The following KDM4C variants were observed in gnomAD, a reference collection of about 807,000 sequenced individuals.
The protein encoded by KDM4C is lysine demethylase 4C, also known as lysine-specific demethylase 4C.
KDM4C carries 81 observed loss-of-function variants against 129.3 expected under a neutral mutation model. That is an observed-to-expected ratio of 0.63 (90% CI 0.52 to 0.75). The LOEUF (loss-of-function observed/expected upper bound fraction) is 0.75, where lower values mean the gene tolerates loss of function less well. KDM4C is among the 30% of genes least tolerant of loss of function. KDM4C has a pLI of 0.00. For missense variants in KDM4C, 1,457 were observed against 1,304.0 expected, an observed-to-expected ratio of 1.12 and a Z score of -1.81; for synonymous variants, 573 against 456.1, an observed-to-expected ratio of 1.26 and a Z score of -3.26.
intron 12 of KDM4C, among the ~76,000 whole-genome samples, chr9:6,998,353 C>T (rs2039867): frequency 0.26 from 38,871 of 152,040 alleles, 5,443 homozygotes; most frequent in South Asian, 0.49. Context: ...ATCATTTAAC[C>T]CATCTAACCC....
At chr9:7,013,259 G>A (rs1823022173) in intron 13 of KDM4C, among the ~76,000 whole-genome samples, 1 of 152,150 alleles carries the variant, frequency 6.6e-6, no homozygotes, top group African/African-American at 2.4e-5. Context: ...ATCTTTTGGT[G>A]TGAGGTGATA....
chr9:6,961,212 C>G (rs2131600315), intron 8 of KDM4C, among the ~76,000 whole-genome samples: 1 of 152,176 alleles, frequency 6.6e-6, no homozygotes, highest in Non-Finnish European at 1.5e-5. Flanking sequence ...TTAAATATTG[C>G]TATAGCCTAA....
rs138545987 is a variant in KDM4C, at chr9:6,771,189, C to G, written c.-18+12986C>G. ...GTGATCCTCTTGCCTTGGCCTCCCC[C>G]CAAAGTGCTAGGATTACAGGTGTGA... On this transcript the variant is annotated intron_variant, in intron 1 of 21. Transcript: ENST00000381309. 4.1e-3 allele frequency among the ~76,000 whole-genome samples: 614 copies of G among 150,244 alleles called. 5 individuals are homozygous for G. Among genetic ancestry groups the G allele is most frequent in the African/African-American group, 0.013 (550 of 40,802 alleles).
chr9:6,843,775 G>A (rs1837387356), intron 4 of KDM4C, among the ~76,000 whole-genome samples: 1 of 152,194 alleles, frequency 6.6e-6, no homozygotes, highest in Non-Finnish European at 1.5e-5. Context: ...GGTGAGTGCA[G>A]CAGTGACACA....
At chr9:6,778,654 C>G (rs779183128) in intron 1 of KDM4C, among the ~76,000 whole-genome samples, 2 of 151,770 alleles carry the variant, frequency 1.3e-5, no homozygotes, top group African/African-American at 2.4e-5. Context: ...GTAATCCCAG[C>G]TACTTGGGAG....
rs150190973 is a variant in KDM4C, at chr9:7,142,177, C to G, written c.2781+13941C>G. Among the ~76,000 whole-genome samples the G allele has an allele frequency of 8.4e-4, 128 of 152,322 alleles. 2 individuals carry two copies. The highest frequency in any genetic ancestry group is 3.0e-3 in the African/African-American group (126 of 41,586). On this transcript the variant is annotated intron_variant, in intron 19 of 21. Transcript: ENST00000381309. ...CACTATATAGCTGATTCTAACGTCT[C>G]TTAATCCTTAGCTCTCTTCAGTACT...
chr9:7,123,091 C>T (rs561369874), intron 18 of KDM4C, among the ~76,000 whole-genome samples: 1 of 152,292 alleles, frequency 6.6e-6, no homozygotes, highest in Admixed American at 6.5e-5. Context: ...TCCCTTAATA[C>T]TCCTCATGAA....
intron 19 of KDM4C, among the ~76,000 whole-genome samples, chr9:7,131,396 G>C (rs1037932007): frequency 1.5e-4 from 23 of 152,028 alleles, no homozygotes; most frequent in African/African-American, 5.6e-4. Context: ...TATTAGGCAG[G>C]GTTCTCCAGA....
At chr9:6,752,786 GC>G (rs1478193515), upstream of KDM4C, among the ~76,000 whole-genome samples, 1 of 152,236 alleles carries the variant, frequency 6.6e-6, no homozygotes, top group East Asian at 1.9e-4. Context: ...ATTTATATAT[GC>G]CAAGTGCTCT....
At chr9:7,110,625 A>G (rs1026715909) in intron 18 of KDM4C, among the ~76,000 whole-genome samples, 1 of 152,054 alleles carries the variant, frequency 6.6e-6, no homozygotes, top group Non-Finnish European at 1.5e-5. Context: ...TGGTGCACAT[A>G]CTCTTCCACA....
intron 1 of KDM4C, among the ~76,000 whole-genome samples, chr9:6,751,419 C>T (rs1818060872): frequency 6.6e-6 from 1 of 152,080 alleles, no homozygotes; most frequent in Non-Finnish European, 1.5e-5. Context: ...GCGCTCCAGC[C>T]TGGGTAACAC....
chr9:6,754,166 G>A (rs1008209153), upstream of KDM4C, among the ~76,000 whole-genome samples: 1 of 151,740 alleles, frequency 6.6e-6, no homozygotes, highest in Non-Finnish European at 1.5e-5. Context: ...GTGAGCTACC[G>A]AGCCCAGCCT....
At chr9:6,989,389 T>C (rs1351382368) in intron 11 of KDM4C, among the ~76,000 whole-genome samples, 2 of 152,144 alleles carry the variant, frequency 1.3e-5, no homozygotes, top group Non-Finnish European at 2.9e-5. Flanking sequence ...CCCTTCCCCC[T>C]GCCTTTAAAA....
chr9:7,012,001 T>C, intron 13 of KDM4C, 122 bp downstream of exon 13: 1 of 716,530 alleles, frequency 1.4e-6, no homozygotes, highest in Non-Finnish European at 2.3e-6. Context: ...CGTCCTTAGG[T>C]AGCTGATGGC....
intron 2 of KDM4C, among the ~76,000 whole-genome samples, chr9:6,804,720 C>CT (rs1829646794): frequency 6.7e-6 from 1 of 149,570 alleles, no homozygotes; most frequent in African/African-American, 2.5e-5. Flanking sequence ...GATCGTGCCA[C>CT]TGCTCCCCAG....
chr9:6,821,928 C>T (rs1014295141), intron 4 of KDM4C, among the ~76,000 whole-genome samples: 1 of 152,194 alleles, frequency 6.6e-6, no homozygotes, highest in Admixed American at 6.5e-5. Context: ...AGCTGCTGTG[C>T]CCGGCTGGCC....
At chr9:6,724,142 G>T (rs1335455841) in intron 1 of KDM4C, 1 of 152,212 alleles carries the variant, frequency 6.6e-6, no homozygotes, top group Non-Finnish European at 1.5e-5. Context: ...AAACTATCCA[G>T]CAGGCTATTC....
At chr9:6,875,241 C>T (rs113307669) in intron 5 of KDM4C, among the ~76,000 whole-genome samples, 1 of 152,008 alleles carries the variant, frequency 6.6e-6, no homozygotes, top group Non-Finnish European at 1.5e-5. Context: ...TGCTGTATTC[C>T]GGGAGAAAGC....
chr9:6,922,125 A>G (rs550440718), intron 8 of KDM4C, among the ~76,000 whole-genome samples: 1 of 152,324 alleles, frequency 6.6e-6, no homozygotes, highest in East Asian at 1.9e-4. Flanking sequence ...GCATGAATGA[A>G]TGAATGTATG....
Sources: allele counts gnomAD v4.1 joint callset (sites outside exome capture counted in the v4.1 genomes callset), GRCh38; gene constraint gnomAD v4.1.1; transcripts MANE v1.5; gene names NCBI Gene and HGNC (gene_info 2026-07-23, HGNC 2026-07-21).